The following RBFOX1 variants were observed in gnomAD, a reference collection of about 807,000 sequenced individuals.
RBFOX1 encodes RNA binding protein fox-1 homolog 1.
In RBFOX1, 8 loss-of-function variants were observed where a neutral mutation model predicts 57.7. The ratio of observed to expected loss-of-function variants is 0.14; its 90% CI spans 0.08 to 0.25. The LOEUF is 0.25. Ranked by LOEUF, RBFOX1 falls within the 10% of genes least tolerant of loss-of-function variation. The pLI is 1.00. For synonymous variants in RBFOX1, 326 were observed against 222.4 expected (o/e 1.47, Z -4.15); for missense variants, 611 against 548.5 (o/e 1.11, Z -1.14).
rs139988059 is a variant in RBFOX1 at position 7,361,600 on chromosome 16, T to C, written c.28-156547T>C. On this transcript the variant is annotated intron_variant, in intron 4 of 15. Transcript: ENST00000550418. Reference sequence around the variant, plus strand: ...CTGTTCCCGGCCTTGTTTCTACTTATAGGGATAACTAAAGCAACCAAACAC... The same window carrying C: ...CTGTTCCCGGCCTTGTTTCTACTTACAGGGATAACTAAAGCAACCAAACAC... Among the ~76,000 whole-genome samples, 44 of 152,218 alleles carry C rather than the reference T, an allele frequency of 2.9e-4. 1 individual carries two copies. The East Asian group carries it at 3.9e-3, about 13-fold the overall frequency.
intron 3 of RBFOX1, among the ~76,000 whole-genome samples, chr16:5,658,505 A>G (rs930841082): frequency 6.6e-6 from 1 of 152,054 alleles, no homozygotes; most frequent in Non-Finnish European, 1.5e-5. Flanking sequence ...TGATTTTCCA[A>G]TTTAACTCAC....
intron 1 of RBFOX1, among the ~76,000 whole-genome samples, chr16:5,301,864 A>G (rs969610214): frequency 1.3e-5 from 2 of 152,166 alleles, no homozygotes; most frequent in African/African-American, 4.8e-5. Context: ...GATAGCTAAT[A>G]TAGTGTTTAT....
intron 3 of RBFOX1, among the ~76,000 whole-genome samples, chr16:5,808,181 C>T (rs886266409): frequency 6.6e-6 from 1 of 152,250 alleles, no homozygotes; most frequent in East Asian, 1.9e-4. Context: ...TAGGATGGGC[C>T]TTAATGGCCT....
At chr16:5,459,403 C>G (rs1184667028) in intron 1 of RBFOX1, among the ~76,000 whole-genome samples, 4 of 152,106 alleles carry the variant, frequency 2.6e-5, no homozygotes, top group African/African-American at 7.2e-5. Context: ...AGAGAGAAGA[C>G]CCTTAGCACT....
chr16:6,584,163 C>A (rs544008264), intron 2 of RBFOX1, among the ~76,000 whole-genome samples: 2 of 151,852 alleles, frequency 1.3e-5, no homozygotes, highest in South Asian at 4.2e-4. Context: ...TAAGCATTGT[C>A]CCTGCTGTAA....
chr16:5,972,317 T>A (rs1646862256), intron 4 of RBFOX1, among the ~76,000 whole-genome samples: 1 of 152,006 alleles, frequency 6.6e-6, no homozygotes, highest in Non-Finnish European at 1.5e-5. Context: ...AGGCTACACA[T>A]GGAAAAAGAA....
At chr16:6,760,712 A>T (rs1207063424) in intron 3 of RBFOX1, among the ~76,000 whole-genome samples, 1 of 152,204 alleles carries the variant, frequency 6.6e-6, no homozygotes, top group Admixed American at 6.5e-5. Context: ...GGTTATAAAA[A>T]TAAGTGTAGG....
chr16:6,159,323 C>T lies in RBFOX1; in HGVS notation c.-127+139331C>T, dbSNP rs113918852. On this transcript the variant is annotated intron_variant, in intron 1 of 15. Transcript: ENST00000550418. ...AACTCCTGACCTCAGGTGATCTGCC[C>T]GCCTCGGCCTCCCAAAGTGCTGGGA... Among the ~76,000 whole-genome samples the T allele has an allele frequency of 1.3e-3, 205 of 152,188 alleles. 1 individual carries two copies. In the Middle Eastern group the frequency reaches 0.014, roughly 10 times the overall value.
intron 2 of RBFOX1, among the ~76,000 whole-genome samples, chr16:6,364,292 T>C (rs764927751): frequency 1.6e-4 from 24 of 152,254 alleles, no homozygotes; most frequent in Non-Finnish European, 3.4e-4. Context: ...CTTGCCAAGG[T>C]GAAAAGTTTT....
chr16:5,985,214 G>T (rs112954313), intron 4 of RBFOX1, among the ~76,000 whole-genome samples: 1 of 151,078 alleles, frequency 6.6e-6, no homozygotes, highest in Admixed American at 6.6e-5. Context: ...GGATGGTCTC[G>T]ATCTCCTGAC....
At chr16:5,915,637 G>T (rs1335365317) in intron 4 of RBFOX1, among the ~76,000 whole-genome samples, 1 of 152,110 alleles carries the variant, frequency 6.6e-6, no homozygotes, top group African/African-American at 2.4e-5. Flanking sequence ...TTTGAGACCA[G>T]CCTGGCCAAT....
At chr16:7,004,559 A>G (rs2093131920) in intron 3 of RBFOX1, among the ~76,000 whole-genome samples, 1 of 152,196 alleles carries the variant, frequency 6.6e-6, no homozygotes, top group Non-Finnish European at 1.5e-5. Flanking sequence ...CGTCCTAGCT[A>G]TGTATCTAAG....
chr16:5,656,378 A>G (rs774067127), intron 3 of RBFOX1, among the ~76,000 whole-genome samples: 1 of 152,044 alleles, frequency 6.6e-6, no homozygotes, highest in Non-Finnish European at 1.5e-5. Flanking sequence ...ATGTCTTGCA[A>G]CTCTCTCACA....
At chr16:6,700,217 G>A (rs2154140974) in intron 3 of RBFOX1, among the ~76,000 whole-genome samples, 1 of 152,226 alleles carries the variant, frequency 6.6e-6, no homozygotes, top group Middle Eastern at 3.4e-3. Context: ...CGTGAGAAGT[G>A]TACCATGCAC....
At chr16:5,776,173 C>A (rs956588489) in intron 3 of RBFOX1, among the ~76,000 whole-genome samples, 3 of 152,214 alleles carry the variant, frequency 2.0e-5, no homozygotes, top group African/African-American at 7.2e-5. Flanking sequence ...TTTCGTTTCA[C>A]TGTGTGAAGG....
chr16:5,799,288 C>T (rs1315808625), intron 3 of RBFOX1, among the ~76,000 whole-genome samples: 2 of 152,086 alleles, frequency 1.3e-5, no homozygotes, highest in Admixed American at 6.5e-5. Context: ...GTTCCTCCCA[C>T]AACACATGGG....
At chr16:7,271,413 G>C (rs1207231492) in intron 4 of RBFOX1, among the ~76,000 whole-genome samples, 2 of 151,898 alleles carry the variant, frequency 1.3e-5, no homozygotes, top group African/African-American at 4.8e-5. Flanking sequence ...ATCTAAAAAT[G>C]ATCCTTTAAA....
At chr16:5,424,908 T>TC (rs1453822368) in intron 1 of RBFOX1, among the ~76,000 whole-genome samples, 44 of 105,624 alleles carry the variant, frequency 4.2e-4, no homozygotes, top group Non-Finnish European at 7.9e-4. Context: ...TCTTTCTTTC[T>TC]TTCTTTCTTT....
At chr16:6,380,512 G>A (rs2091700624) in intron 2 of RBFOX1, among the ~76,000 whole-genome samples, 1 of 145,678 alleles carries the variant, frequency 6.9e-6, no homozygotes, top group Non-Finnish European at 1.5e-5. Context: ...AGAGATGGCA[G>A]CACAGAAAGG....
Sources: allele counts gnomAD v4.1 joint callset (sites outside exome capture counted in the v4.1 genomes callset), GRCh38; gene constraint gnomAD v4.1.1; transcripts MANE v1.5; gene names NCBI Gene and HGNC (gene_info 2026-07-23, HGNC 2026-07-21).